RCHY1: variants seen among roughly 807,000 people sequenced by gnomAD.
The protein encoded by RCHY1 is ring finger and CHY zinc finger domain containing 1, also known as RING finger and CHY zinc finger domain-containing protein 1.
RCHY1 carries 21 observed loss-of-function variants against 41.6 expected under a neutral mutation model. The ratio of observed to expected loss-of-function variants is 0.51; its 90% CI spans 0.36 to 0.73. The LOEUF is 0.73. RCHY1 is among the 30% of genes least tolerant of loss of function. The pLI, the probability that RCHY1 is intolerant of heterozygous loss-of-function variation, is 0.00. For synonymous variants in RCHY1, 79 were observed against 102.9 expected (o/e 0.77, Z 1.41); for missense variants, 265 against 325.3 (o/e 0.81, Z 1.43).
intron 1 of RCHY1, among the ~76,000 whole-genome samples, chr4:75,511,571 T>C (rs145861196): frequency 1.3e-5 from 2 of 152,304 alleles, no homozygotes; most frequent in Non-Finnish European, 2.9e-5. Flanking sequence ...AATTTCAGTT[T>C]GCAGAAGTGT....
chr4:75,502,384 CAA>C (rs1723863450), intron 3 of RCHY1, among the ~76,000 whole-genome samples: 1 of 151,448 alleles, frequency 6.6e-6, no homozygotes, highest in African/African-American at 2.4e-5. Flanking sequence ...ACTAAAAATA[CAA>C]AAAATTAGCC....
chr4:75,493,501 C>T (rs1343960587), intron 4 of RCHY1, among the ~76,000 whole-genome samples: 1 of 151,856 alleles, frequency 6.6e-6, no homozygotes, highest in East Asian at 1.9e-4. Context: ...GCTACTTATA[C>T]TGTTCTGCCT....
chr4:75,494,966 T>A (rs1387253962), intron 3 of RCHY1, among the ~76,000 whole-genome samples: 1 of 152,010 alleles, frequency 6.6e-6, no homozygotes, highest in Non-Finnish European at 1.5e-5. Flanking sequence ...GATTGTCTGT[T>A]CATATGTTCT....
rs1171727648 is a variant in RCHY1 at position 75,514,258 on chromosome 4, G to A, written c.29C>T (p.Ala10Val). The A allele has an allele frequency of 1.9e-6, 3 of 1,612,662 alleles. No homozygotes were observed. Among genetic ancestry groups the A allele is most frequent in the East Asian group, 2.2e-5 (1 of 44,830 alleles). Reference sequence around the variant, plus strand: ...CCGCTGACCTCGCTCTTGACCGCTGGCGCCATCTTCCCGGGCCGTCGCCGC... The same window carrying A: ...CCGCTGACCTCGCTCTTGACCGCTGACGCCATCTTCCCGGGCCGTCGCCGC... MAATAREDG[A>V]SGQERGQRGC... is the part of the protein sequence containing the mutation. The change falls in exon 1 of 9, where the codon GCC becomes GTC. Residue 10 changes from alanine (A) to valine (V), a missense_variant. By Grantham distance (64) the Ala-to-Val change is moderately conservative. Transcript: ENST00000324439.
chr4:75,514,265 C>A lies in RCHY1; in HGVS notation c.22G>T (p.Asp8Tyr). 6.2e-7 allele frequency: 1 copy of A among 1,612,772 alleles called. No individual in the cohort carries two copies. The change falls in exon 1 of 9, where the codon GAT (aspartate) becomes TAT (tyrosine). Residue 8 changes from aspartate (D) to tyrosine (Y), a missense_variant. Coordinates refer to ENST00000324439, the MANE Select transcript of RCHY1 (RefSeq NM_015436.4). MAATARE[D>Y]GASGQERGQR... is the part of the protein sequence containing the mutation. ...CCTCGCTCTTGACCGCTGGCGCCAT[C>A]TTCCCGGGCCGTCGCCGCCATCTCC...
At chr4:75,492,474 C>T (rs1722836202) in intron 4 of RCHY1, among the ~76,000 whole-genome samples, 1 of 151,912 alleles carries the variant, frequency 6.6e-6, no homozygotes, top group Non-Finnish European at 1.5e-5. Context: ...AGCTAAGGAA[C>T]TTCCAAAGTC....
chr4:75,490,631 C>T lies in RCHY1; in HGVS notation c.607G>A (p.Glu203Lys). ...MTRYWRQLDD[E>K]VAQTPMPSEY... Reference sequence around the variant, plus strand: ...GATGGCATAGGAGTCTGTGCTACTTCATCATCCAGCTGTCTCCAATACCTG... The same window carrying T: ...GATGGCATAGGAGTCTGTGCTACTTTATCATCCAGCTGTCTCCAATACCTG... Residue 203 changes from glutamate to lysine, a missense_variant, in exon 8 of 9, where the codon GAA (glutamate) becomes AAA (lysine). Glu to Lys is a moderately conservative substitution (Grantham distance 56). Transcript: ENST00000324439. 2 of 1,611,780 alleles carry T rather than the reference C, an allele frequency of 1.2e-6. No individual in the cohort carries two copies. The highest frequency in any genetic ancestry group is 1.7e-6 in the Non-Finnish European group (2 of 1,178,078).
chr4:75,511,219 A>G (rs6835573), intron 1 of RCHY1, among the ~76,000 whole-genome samples: 59,851 of 151,888 alleles, frequency 0.39, 11,920 homozygotes, highest in East Asian at 0.42. Context: ...CACATTTAAC[A>G]TGCAATATCA....
intron 8 of RCHY1, among the ~76,000 whole-genome samples, chr4:75,484,858 C>T (rs1001544111): frequency 6.6e-6 from 1 of 151,852 alleles, no homozygotes; most frequent in African/African-American, 2.4e-5. Context: ...TGGCCATAAG[C>T]TGTTAAAAAC....
At chr4:75,499,931 A>C (rs72866238) in intron 3 of RCHY1, among the ~76,000 whole-genome samples, 3,699 of 152,308 alleles carry the variant, frequency 0.024, 160 homozygotes, top group African/African-American at 0.084. Flanking sequence ...ATTAATTCAA[A>C]TGTTTCTAGC....
chr4:75,499,613 T>A (rs72866234), intron 3 of RCHY1, among the ~76,000 whole-genome samples: 3 of 152,124 alleles, frequency 2.0e-5, no homozygotes, highest in Non-Finnish European at 4.4e-5. Context: ...AATCCTGTAA[T>A]TTACAGCAAC....
chr4:75,486,393 A>G (rs1722006093), intron 8 of RCHY1, among the ~76,000 whole-genome samples: 4 of 152,092 alleles, frequency 2.6e-5, no homozygotes. Flanking sequence ...AACATTAATT[A>G]TAAGTTTAAG....
rs72866232 is a variant in RCHY1 at position 75,498,273 on chromosome 4, C to T, written c.327-4094G>A. On this transcript the variant is annotated intron_variant, in intron 3 of 8. Coordinates refer to ENST00000324439, the MANE Select transcript of RCHY1 (RefSeq NM_015436.4). ...CACATCCAACCTTCTGAGATTGAAC[C>T]ACAAAAAAACCTCAATAAGCCAGTA... 5.7e-3 allele frequency among the ~76,000 whole-genome samples: 863 copies of T among 151,308 alleles called. 9 individuals carry two copies. Among genetic ancestry groups the T allele is most frequent in the African/African-American group, 0.02 (815 of 41,314 alleles).
At chr4:75,485,908 G>T (rs889764944) in intron 8 of RCHY1, among the ~76,000 whole-genome samples, 18 of 152,270 alleles carry the variant, frequency 1.2e-4, no homozygotes, top group African/African-American at 3.8e-4. Context: ...GGCTTCAGAG[G>T]TGTCTGTTGA....
At position 75,480,855 on chromosome 4, in the gene RCHY1, G is replaced by C. The variant is rs1721472286; in HGVS notation, c.*1683C>G. On this transcript the variant is annotated 3_prime_UTR_variant, in exon 9 of 9. Transcript: ENST00000324439. ...AACAATTAAAAATTAGCTGGGCATGGTGGCACACACCTGTAGTCCCAGCTA... is the reference window on the plus strand; with the variant it reads ...AACAATTAAAAATTAGCTGGGCATGCTGGCACACACCTGTAGTCCCAGCTA... 6.6e-6 allele frequency: 1 copy of C among 152,318 alleles called. No homozygotes were observed. The allele number at this position is 152,318 out of a possible 1,614,324, so 9.4% of individuals were successfully genotyped here.
intron 1 of RCHY1, 112 bp downstream of exon 1, chr4:75,514,085 T>C: frequency 6.7e-7 from 1 of 1,490,276 alleles, no homozygotes; most frequent in Non-Finnish European, 9.1e-7. Context: ...GGAAAAGGTA[T>C]CCTGAAAATC....
At chr4:75,494,292 G>A (rs190465185) in intron 3 of RCHY1, 113 bp from the exon 4 acceptor site, 2 of 686,480 alleles carry the variant, frequency 2.9e-6, no homozygotes, top group African/African-American at 3.8e-5. Context: ...CAGCCACAAT[G>A]GAGAATATGG....
chr4:75,498,733 C>T (rs976503242), intron 3 of RCHY1, among the ~76,000 whole-genome samples: 1 of 152,046 alleles, frequency 6.6e-6, no homozygotes, highest in African/African-American at 2.4e-5. Flanking sequence ...AACAGGATAC[C>T]ATATGCAGAA....
Position 75,482,536 on chromosome 4 carries a change from C to CGGTG in RCHY1, c.*1_*2insCACC. On this transcript the variant is annotated 3_prime_UTR_variant, in exon 9 of 9. Coordinates refer to ENST00000324439, the MANE Select transcript of RCHY1 (RefSeq NM_015436.4). ...CAAGTTCTCCAGTACTGTGTAGGCT[C>CGGTG]GTCATTGCTGATCCAGTGAAATTCT... is the stretch of plus-strand genomic sequence containing the variant. 2 of 1,597,864 alleles carry CGGTG rather than the reference C, an allele frequency of 1.3e-6. No individual in the cohort carries two copies. The highest frequency in any genetic ancestry group is 1.7e-6 in the Non-Finnish European group (2 of 1,171,640).
Sources: gnomAD v4.1 joint callset for allele counts (sites outside exome capture counted in the v4.1 genomes callset) on GRCh38, gnomAD v4.1.1 for gene constraint, MANE v1.5 for transcripts, NCBI Gene and HGNC (gene_info 2026-07-23, HGNC 2026-07-21) for gene names.